The following SLC36A1 variants were observed in gnomAD, a reference collection of about 807,000 sequenced individuals.
SLC36A1 encodes the protein solute carrier family 36 member 1.
SLC36A1 carries 30 observed loss-of-function variants against 47.5 expected under a neutral mutation model. That is an observed-to-expected ratio of 0.63 (90% CI 0.47 to 0.86). The LOEUF is 0.86. Among genes scored for constraint, SLC36A1 ranks in the 40% least tolerant of loss-of-function variants. The pLI, the probability that SLC36A1 is intolerant of heterozygous loss-of-function variation, is 0.00. For synonymous variants in SLC36A1, 255 were observed against 249.7 expected (o/e 1.02, Z -0.20); for missense variants, 517 against 606.0 (o/e 0.85, Z 1.54).
At chr5:151,487,751 C>T (rs76449859) in intron 10 of SLC36A1, among the ~76,000 whole-genome samples, 3,729 of 152,238 alleles carry the variant, frequency 0.024, 129 homozygotes, top group African/African-American at 0.085. Context: ...GCCTGGGGAC[C>T]GGAGCCAGAA....
the SLC36A1 span, among the ~76,000 whole-genome samples, chr5:151,358,700 G>C: frequency 2.0e-4 from 30 of 151,564 alleles, no homozygotes; most frequent in Middle Eastern, 6.8e-3. Context: ...TCGGCCGGGC[G>C]CGGTGGCTCA....
chr5:151,474,159 CAAAAAA>C (rs1156305401), intron 8 of SLC36A1, among the ~76,000 whole-genome samples: 2 of 59,954 alleles, frequency 3.3e-5, no homozygotes, highest in Admixed American at 1.9e-4. Flanking sequence ...GACTCTGTCT[CAAAAAA>C]AAAAAAAAAA....
intron 1 of SLC36A1, among the ~76,000 whole-genome samples, chr5:151,453,969 C>T (rs141333563): frequency 1.5e-3 from 227 of 151,824 alleles, no homozygotes; most frequent in African/African-American, 5.3e-3. Flanking sequence ...TTTTTAGTGC[C>T]CATCTAAAAA....
chr5:151,517,889 G>A, the SLC36A1 span: 1 of 1,213,816 alleles, frequency 8.2e-7, no homozygotes, highest in Non-Finnish European at 1.2e-6. Context: ...TATACATGAA[G>A]AAACTAGGCT....
At chr5:151,346,356 G>A in the SLC36A1 span, among the ~76,000 whole-genome samples, 1 of 152,130 alleles carries the variant, frequency 6.6e-6, no homozygotes, top group Non-Finnish European at 1.5e-5. Context: ...GATGGCTGTG[G>A]GGAGGGGCTT....
At chr5:151,464,689 C>G (rs1194790994) in intron 4 of SLC36A1, 87 bp downstream of exon 4, 1 of 1,093,628 alleles carries the variant, frequency 9.1e-7, no homozygotes, top group Non-Finnish European at 1.4e-6. Flanking sequence ...TGATGCAGAC[C>G]ACTCTCAATT....
At chr5:151,401,434 A>C in the SLC36A1 span, among the ~76,000 whole-genome samples, 1,476 of 152,228 alleles carry the variant, frequency 9.7e-3, 24 homozygotes, top group African/African-American at 0.033. Context: ...GTAACCTTGT[A>C]GTGTAGTTTG....
At chr5:151,496,385 C>T (rs1760342106), downstream of SLC36A1, among the ~76,000 whole-genome samples, 1 of 152,176 alleles carries the variant, frequency 6.6e-6, no homozygotes. Context: ...ATGTCTTTAT[C>T]AGCAGCGCGA....
the SLC36A1 span, among the ~76,000 whole-genome samples, chr5:151,394,698 C>T: frequency 3.3e-5 from 5 of 152,206 alleles, no homozygotes; most frequent in South Asian, 2.1e-4. Flanking sequence ...GTATCAGCAG[C>T]GGAGGCTGCA....
At chr5:151,446,585 A>T (rs1049625412), upstream of SLC36A1, among the ~76,000 whole-genome samples, 2 of 151,862 alleles carry the variant, frequency 1.3e-5, no homozygotes, top group Admixed American at 1.3e-4. Context: ...ATTTTCCAAG[A>T]TTCCTCCTGT....
At chr5:151,530,151 A>G in the SLC36A1 span, among the ~76,000 whole-genome samples, 2 of 152,164 alleles carry the variant, frequency 1.3e-5, no homozygotes, top group African/African-American at 2.4e-5. Flanking sequence ...AGGCTGATGA[A>G]GAAGTCTATA....
the SLC36A1 span, chr5:151,549,456 A>G: frequency 1.2e-6 from 2 of 1,614,142 alleles, no homozygotes; most frequent in Non-Finnish European, 8.5e-7. Context: ...CTCCACATGA[A>G]TGGTCACCCA....
the SLC36A1 span, chr5:151,544,786 G>A: frequency 6.2e-7 from 1 of 1,614,190 alleles, no homozygotes; most frequent in Middle Eastern, 1.6e-4. Context: ...TCGGAAATAT[G>A]TGTAATCTTC....
the SLC36A1 span, chr5:151,542,388 T>C: frequency 1.1e-5 from 18 of 1,614,062 alleles, no homozygotes; most frequent in Non-Finnish European, 1.5e-5. Flanking sequence ...CAACCACAGA[T>C]CCTCTGTACT....
the SLC36A1 span, among the ~76,000 whole-genome samples, chr5:151,348,904 C>G: frequency 6.6e-6 from 1 of 152,190 alleles, no homozygotes. Context: ...GACCACAGCA[C>G]TGTCTCCTTT....
the SLC36A1 span, chr5:151,531,818 T>G: frequency 6.2e-7 from 1 of 1,612,820 alleles, no homozygotes; most frequent in Non-Finnish European, 8.5e-7. This position sits in a 1 kb window ranked among gnomAD's most constrained non-coding sequence, Gnocchi z 5.7. Context: ...GGTATTGGGG[T>G]GCCCAGGTCA....
At chr5:151,533,497 A>G in the SLC36A1 span, among the ~76,000 whole-genome samples, 26 of 151,314 alleles carry the variant, frequency 1.7e-4, no homozygotes, top group African/African-American at 5.8e-4. Flanking sequence ...TAGAACCCCT[A>G]CATCCCTCGA....
upstream of SLC36A1, among the ~76,000 whole-genome samples, chr5:151,434,670 G>A (rs549377741): frequency 4.6e-5 from 7 of 152,242 alleles, no homozygotes; most frequent in South Asian, 1.5e-3. Context: ...TTAAGAAGGG[G>A]GATCTCTGGG....
the SLC36A1 span, among the ~76,000 whole-genome samples, chr5:151,354,027 G>T: frequency 1.3e-5 from 2 of 152,154 alleles, no homozygotes; most frequent in African/African-American, 4.8e-5. Context: ...CTATCTGCCG[G>T]GTGCAGTGGC....
Sources: allele counts gnomAD v4.1 joint callset (sites outside exome capture counted in the v4.1 genomes callset), GRCh38; gene constraint gnomAD v4.1.1; non-coding constraint Gnocchi (gnomAD v3.1); transcripts MANE v1.5; gene names NCBI Gene and HGNC (gene_info 2026-07-23, HGNC 2026-07-21).